The following EDIL3 variants were observed in gnomAD, a reference collection of about 807,000 sequenced individuals.
EDIL3 encodes the protein EGF like and discoidin domains 3.
A neutral mutation model predicts 67.4 loss-of-function variants in EDIL3; 37 were observed. The observed-to-expected ratio is 0.55, with a 90% confidence interval of 0.42 to 0.72. EDIL3 has a LOEUF of 0.72. Among genes scored for constraint, EDIL3 ranks in the 30% least tolerant of loss-of-function variants. EDIL3 has a pLI of 0.00. For missense variants in EDIL3, 527 were observed against 586.3 expected, an observed-to-expected ratio of 0.90 and a Z score of 1.04; for synonymous variants, 195 against 196.3, an observed-to-expected ratio of 0.99 and a Z score of 0.05.
chr5:83,998,279 T>C (rs542342851), intron 9 of EDIL3, among the ~76,000 whole-genome samples: 1 of 152,078 alleles, frequency 6.6e-6, no homozygotes, highest in South Asian at 2.1e-4. Context: ...TGGAGCAGAG[T>C]CCTGATGCTC....
chr5:84,308,290 C>T (rs1416994742), intron 1 of EDIL3, among the ~76,000 whole-genome samples: 4 of 152,098 alleles, frequency 2.6e-5, no homozygotes, highest in South Asian at 2.1e-4. Context: ...GTTTTGAAAA[C>T]GCTGAGTGTG....
chr5:84,025,874 G>A (rs1745801346), intron 9 of EDIL3, among the ~76,000 whole-genome samples: 1 of 152,174 alleles, frequency 6.6e-6, no homozygotes, highest in Non-Finnish European at 1.5e-5. Flanking sequence ...AGTTTAAAGT[G>A]TGTTCCTTGC....
chr5:84,104,170 C>A (rs888448538), intron 6 of EDIL3, among the ~76,000 whole-genome samples: 1 of 151,796 alleles, frequency 6.6e-6, no homozygotes, highest in Non-Finnish European at 1.5e-5. Flanking sequence ...ACAGTGGGTG[C>A]TAAATGATGG....
intron 1 of EDIL3, among the ~76,000 whole-genome samples, chr5:84,323,568 C>G (rs988411779): frequency 4.6e-5 from 7 of 151,904 alleles, no homozygotes; most frequent in Non-Finnish European, 8.9e-5. Context: ...CCCTCTTTAT[C>G]AGTAACCACT....
At chr5:84,183,094 A>G (rs997640061) in intron 3 of EDIL3, among the ~76,000 whole-genome samples, 2 of 152,146 alleles carry the variant, frequency 1.3e-5, no homozygotes, top group Non-Finnish European at 2.9e-5. Context: ...ATTAATTAAC[A>G]TTTGATAGTG....
chr5:84,246,084 T>C (rs1398021826), intron 2 of EDIL3, among the ~76,000 whole-genome samples: 2 of 152,356 alleles, frequency 1.3e-5, no homozygotes, highest in African/African-American at 4.8e-5. Context: ...CATACCTATG[T>C]GTTTATCAAC....
chr5:84,251,136 G>A (rs1045355358), intron 2 of EDIL3, among the ~76,000 whole-genome samples: 7 of 152,002 alleles, frequency 4.6e-5, no homozygotes, highest in Non-Finnish European at 1.5e-5. Flanking sequence ...TATTTGAGAT[G>A]GAGTCTCTCT....
At position 84,256,148 on chromosome 5, in the gene EDIL3, C is replaced by CT. The variant is rs3046886; in HGVS notation, c.68-1937_68-1936insA. On this transcript the variant is annotated intron_variant, in intron 1 of 10. Transcript: ENST00000296591. ...TCTATCTATCTATCTATCTATCTAT[C>CT]ATCTATCTATCTATCCATTTATCCA... Among the ~76,000 whole-genome samples the CT allele has an allele frequency of 8.7e-3, 1,281 of 146,626 alleles. 16 individuals carry two copies. Among genetic ancestry groups the CT allele is most frequent in the African/African-American group, 0.029 (1,124 of 38,928 alleles).
intron 9 of EDIL3, among the ~76,000 whole-genome samples, chr5:84,024,185 T>C (rs969733670): frequency 1.3e-5 from 2 of 152,178 alleles, no homozygotes; most frequent in South Asian, 2.1e-4. Flanking sequence ...AGACCATTCA[T>C]AGAAAATCGC....
chr5:84,132,546 A>ATATATATTTTAATATATAT (rs1348449815), intron 5 of EDIL3, among the ~76,000 whole-genome samples: 1 of 105,476 alleles, frequency 9.5e-6, no homozygotes, highest in African/African-American at 3.8e-5. Flanking sequence ...TTTATATATA[A>ATATATATTTTAATATATAT]TATATATTTT....
intron 9 of EDIL3, among the ~76,000 whole-genome samples, chr5:84,003,882 T>C (rs934449453): frequency 6.6e-6 from 1 of 152,006 alleles, no homozygotes; most frequent in African/African-American, 2.4e-5. Context: ...GAATGGCAAG[T>C]TGGATAAAGG....
In EDIL3 at chr5:84,316,175, A is replaced by G. The variant is rs573093079; in HGVS notation, c.68-61963T>C. On this transcript the variant is annotated intron_variant, in intron 1 of 10. Coordinates refer to ENST00000296591, the MANE Select transcript of EDIL3 (RefSeq NM_005711.5). ...AAAAACATGCCAAATTGTAATAACC[A>G]TAGACACTATGAAGAAACTGCATCA... Among the ~76,000 whole-genome samples, 105 of 152,194 alleles carry G rather than the reference A, an allele frequency of 6.9e-4. 2 individuals carry two copies. Among genetic ancestry groups the G allele is most frequent in the Non-Finnish European group, 1.1e-3 (74 of 68,036 alleles).
intron 9 of EDIL3, among the ~76,000 whole-genome samples, chr5:84,046,974 T>G (rs1225862367): frequency 6.6e-6 from 1 of 152,234 alleles, no homozygotes; most frequent in African/African-American, 2.4e-5. Context: ...AATTATGGCA[T>G]CAGTAATCAT....
rs561088413 is a variant in EDIL3, at chr5:83,961,944, T to G, written c.1293+1261A>C. Reference sequence around the variant, plus strand: ...GTAAGATACACCAATTTCTAAGATGTTAACATGTGAAATGTGCATGTGTCC... The same window carrying G: ...GTAAGATACACCAATTTCTAAGATGGTAACATGTGAAATGTGCATGTGTCC... On this transcript the variant is annotated intron_variant, in intron 10 of 10. Coordinates refer to ENST00000296591, the MANE Select transcript of EDIL3 (RefSeq NM_005711.5). Among the ~76,000 whole-genome samples the G allele has an allele frequency of 1.7e-4, 26 of 151,534 alleles. No individual in the cohort carries two copies. The South Asian group carries it at 5.2e-3, about 30-fold the overall frequency.
In EDIL3 at chr5:84,137,235, A is replaced by G; in HGVS notation, c.469+6T>C. 6.2e-7 allele frequency: 1 copy of G among 1,604,884 alleles called. No individual in the cohort carries two copies. Among genetic ancestry groups the G allele is most frequent in the Non-Finnish European group, 8.5e-7 (1 of 1,173,262 alleles). On this transcript the variant is annotated splice_donor_region_variant and intron_variant, in intron 5 of 10. Coordinates refer to ENST00000296591, the MANE Select transcript of EDIL3 (RefSeq NM_005711.5). ...CACACACACATACACACACGTGAAT[A>G]CTTACTGTATTGACAATTTCTTCCC... is the stretch of plus-strand genomic sequence containing the variant.
intron 3 of EDIL3, 43 bp downstream of exon 3, chr5:84,229,812 A>G (rs1335050955): frequency 6.4e-7 from 1 of 1,570,982 alleles, no homozygotes; most frequent in South Asian, 1.2e-5. Flanking sequence ...TATTAAAGGC[A>G]TGACATTAAA....
At chr5:84,185,572 T>G (rs116049184) in intron 3 of EDIL3, among the ~76,000 whole-genome samples, 1,698 of 152,286 alleles carry the variant, frequency 0.011, 32 homozygotes, top group African/African-American at 0.035. Flanking sequence ...AATAATGAGT[T>G]CTAAAAATTA....
rs200771335 is a variant in EDIL3 at position 84,371,448 on chromosome 5, T to G, written c.67+12860A>C. Among the ~76,000 whole-genome samples, 549 of 93,220 alleles carry G rather than the reference T, an allele frequency of 5.9e-3. 4 individuals are homozygous for G. The highest frequency in any genetic ancestry group is 0.012 in the East Asian group (49 of 4,182). The allele number at this position is 93,220 out of a possible 152,430, so 61.2% of individuals were successfully genotyped here. On this transcript the variant is annotated intron_variant, in intron 1 of 10. Coordinates refer to ENST00000296591, the MANE Select transcript of EDIL3 (RefSeq NM_005711.5). Reference sequence around the variant, plus strand: ...ATATGTGTGTGTATATATATATATATATAGAGAGAGAGAGAGAGAGAGAGA... The same window carrying G: ...ATATGTGTGTGTATATATATATATAGATAGAGAGAGAGAGAGAGAGAGAGA...
intron 9 of EDIL3, among the ~76,000 whole-genome samples, chr5:84,038,588 C>G (rs1018322748): frequency 2.0e-5 from 3 of 152,168 alleles, no homozygotes; most frequent in African/African-American, 7.2e-5. Flanking sequence ...CAAGGGAGTA[C>G]CTTTCAAAAG....
Sources: allele counts gnomAD v4.1 joint callset (sites outside exome capture counted in the v4.1 genomes callset), GRCh38; gene constraint gnomAD v4.1.1; transcripts MANE v1.5; gene names NCBI Gene and HGNC (gene_info 2026-07-23, HGNC 2026-07-21).